EOGT: variants seen among roughly 807,000 people sequenced by gnomAD.
EOGT encodes EGF domain specific O-linked N-acetylglucosamine transferase.
EOGT carries 55 observed loss-of-function variants against 70.5 expected under a neutral mutation model. The ratio of observed to expected loss-of-function variants is 0.78; its 90% confidence interval spans 0.63 to 0.98. The LOEUF is 0.98. EOGT is among the 50% of genes least tolerant of loss of function. EOGT has a pLI of 0.00. For synonymous variants in EOGT, 246 were observed against 217.1 expected (o/e 1.13, Z -1.17); for missense variants, 703 against 641.9 (o/e 1.10, Z -1.03).
intron 14 of EOGT, among the ~76,000 whole-genome samples, chr3:68,985,352 T>C (rs1242929512): frequency 2.6e-5 from 4 of 152,358 alleles, no homozygotes; most frequent in East Asian, 1.9e-4. Context: ...GTAATCCATA[T>C]GGGTCTCAGG....
Position 68,979,696 on chromosome 3 carries a change from G to C in EOGT, c.1306C>G (p.Leu436Val). Reference protein sequence around the residue: ...HGAGLTHLLFLPDWAAVFELY... With the variant: ...HGAGLTHLLFVPDWAAVFELY... ...TCAAATACAGCAGCCCAGTCTGGAAGGAAAAGTAAATGGGTCAGACCAGCT... is the reference window on the plus strand; with the variant it reads ...TCAAATACAGCAGCCCAGTCTGGAACGAAAAGTAAATGGGTCAGACCAGCT... The change falls in exon 16 of 18, where the codon CTT (leucine) becomes GTT (valine). Residue 436 changes from leucine to valine, a missense_variant. Leu to Val is a conservative substitution (Grantham distance 32). Coordinates refer to ENST00000383701, the MANE Select transcript of EOGT (RefSeq NM_001278689.2). The C allele has an allele frequency of 6.2e-7, 1 of 1,613,882 alleles. No homozygotes were observed.
chr3:69,007,802 C>T lies in EOGT; in HGVS notation c.331G>A (p.Ala111Thr). Residue 111 changes from alanine to threonine, a missense_variant, in exon 6 of 18, where the codon GCT becomes ACT. Physicochemically the swap from Ala to Thr is moderately conservative, Grantham distance 58 (BLOSUM62 0). Transcript: ENST00000383701. ...GCTTGTTTCCAAAATATGTCCTCAG[C>T]TGACTCAAGAGTGTCCGTCCTATTT... ...DMGWTDTLES[A>T]EDIFWKQADF... 1.2e-6 allele frequency: 2 copies of T among 1,612,194 alleles called. No homozygotes were observed. The highest frequency in any genetic ancestry group is 1.7e-6 in the Non-Finnish European group (2 of 1,178,862).
rs774882386 is a variant in EOGT at position 68,979,618 on chromosome 3, TA to T, written c.1334+49del. 3.1e-6 allele frequency: 5 copies of T among 1,594,460 alleles called. No homozygotes were observed. In the African/African-American group the frequency reaches 6.7e-5, roughly 22 times the overall value. On this transcript the variant is annotated intron_variant, in intron 16 of 17. Transcript: ENST00000383701. ...CTCAGAATGAAAGCTTTAGCATGCA[TA>T]AAAAGCATTATCAGTTGCTTCAGTG...
chr3:68,988,166 T>A, intron 13 of EOGT, 129 bp downstream of exon 13: 1 of 673,196 alleles, frequency 1.5e-6, no homozygotes, highest in Non-Finnish European at 2.5e-6. Flanking sequence ...CCACCTGCCT[T>A]GGCCTCCCCA....
At chr3:68,995,499 A>C (rs1313414700) in intron 10 of EOGT, among the ~76,000 whole-genome samples, 2 of 152,126 alleles carry the variant, frequency 1.3e-5, no homozygotes, top group Non-Finnish European at 2.9e-5. Flanking sequence ...GACTGCCCTC[A>C]TGTCTCATGC....
intron 15 of EOGT, among the ~76,000 whole-genome samples, chr3:68,981,150 G>A (rs7637369): frequency 0.4 from 60,223 of 152,030 alleles, 12,454 homozygotes; most frequent in African/African-American, 0.51. Flanking sequence ...TGTTGAAAGC[G>A]TGAGATGAGA....
chr3:69,005,391 T>C (rs2107366865), intron 6 of EOGT, among the ~76,000 whole-genome samples, 157 bp from the exon 7 acceptor site: 1 of 152,242 alleles, frequency 6.6e-6, no homozygotes, highest in African/African-American at 2.4e-5. Flanking sequence ...CTGAAGGATA[T>C]TTTCTCCTTC....
Position 68,988,363 on chromosome 3 carries a change from T to C in EOGT, c.1015A>G (p.Thr339Ala), listed in dbSNP as rs2090878620. 2.6e-6 allele frequency: 4 copies of C among 1,535,766 alleles called. No homozygotes were observed. The highest frequency in any genetic ancestry group is 1.2e-5 in the South Asian group (1 of 84,054). The change falls in exon 13 of 18, where the codon ACT (threonine) becomes GCT (alanine). Residue 339 changes from threonine to alanine, a missense_variant. Transcript: ENST00000383701. ...TGGGCAAATGCCCTGAATAGTCCAGTATTTTGACAGCCAGATATCTAAAAT... is the reference window on the plus strand; with the variant it reads ...TGGGCAAATGCCCTGAATAGTCCAGCATTTTGACAGCCAGATATCTAAAAT... ...NTPLISGCQN[T>A]GLFRAFAQHV...
chr3:68,989,940 T>TAATAA (rs1223759390), intron 10 of EOGT, among the ~76,000 whole-genome samples: 26 of 151,776 alleles, frequency 1.7e-4, no homozygotes, highest in Non-Finnish European at 3.1e-4. Flanking sequence ...ACCTTGTCTC[T>TAATAA]AATAAAATAA....
At chr3:68,982,256 A>C (rs1473509742) in intron 15 of EOGT, among the ~76,000 whole-genome samples, 1 of 152,130 alleles carries the variant, frequency 6.6e-6, no homozygotes, top group African/African-American at 2.4e-5. Context: ...GTGGTGGCTC[A>C]TGCCTTTAAT....
rs1379732874 is a variant in EOGT at position 68,991,410 on chromosome 3, A to G, written c.832-2393T>C. 2.0e-5 allele frequency among the ~76,000 whole-genome samples: 3 copies of G among 152,248 alleles called. No individual in the cohort carries two copies. The South Asian group carries it at 6.2e-4, about 32-fold the overall frequency. On this transcript the variant is annotated intron_variant, in intron 10 of 17. Transcript: ENST00000383701. Reference sequence around the variant, plus strand: ...GAAGATATAGGTATATTGAAAGGACATATGTGTTTATGGTCACATTTCAGT... The same window carrying G: ...GAAGATATAGGTATATTGAAAGGACGTATGTGTTTATGGTCACATTTCAGT...
In EOGT at chr3:68,982,875, G is replaced by A. The variant is rs1465028816; in HGVS notation, c.1153-3C>T. On this transcript the variant is annotated splice_polypyrimidine_tract_variant and splice_region_variant and intron_variant, in intron 14 of 17. Transcript: ENST00000383701. ...ACTGTTTTCAGTGCATTTACAAGCT[G>A]GGAAAAAAAGAGAAACATTTAGCAT... 6.3e-7 allele frequency: 1 copy of A among 1,594,224 alleles called. No homozygotes were observed. The highest frequency in any genetic ancestry group is 2.3e-5 in the East Asian group (1 of 44,156).
rs971612898 is a variant in EOGT, at chr3:68,995,472, T to C, written c.831+2539A>G. 3.9e-5 allele frequency among the ~76,000 whole-genome samples: 6 copies of C among 152,268 alleles called. No individual in the cohort carries two copies. The East Asian group carries it at 1.2e-3, about 29-fold the overall frequency. On this transcript the variant is annotated intron_variant, in intron 10 of 17. Coordinates refer to ENST00000383701, the MANE Select transcript of EOGT (RefSeq NM_001278689.2). ...GGGCTACACCCATCCTGCTTAACTG[T>C]GCCAGAGCTGAGGTCAGACTGCCCT...
At chr3:69,013,290 C>T (rs1218083626) in intron 1 of EOGT, among the ~76,000 whole-genome samples, 1 of 151,712 alleles carries the variant, frequency 6.6e-6, no homozygotes, top group East Asian at 2.0e-4. Flanking sequence ...GGCTCCGCCC[C>T]GGCTGGAAAC....
intron 10 of EOGT, among the ~76,000 whole-genome samples, chr3:68,994,051 C>T (rs368220672): frequency 2.0e-5 from 3 of 152,070 alleles, no homozygotes; most frequent in African/African-American, 7.3e-5. Flanking sequence ...GGTACCATAA[C>T]GAGATCTTGT....
intron 15 of EOGT, among the ~76,000 whole-genome samples, chr3:68,981,379 T>C (rs546685317): frequency 6.6e-6 from 1 of 152,254 alleles, no homozygotes; most frequent in Admixed American, 6.5e-5. Context: ...AAAGCTCCCA[T>C]GCCAACATTC....
rs1240127025 is a variant in EOGT at position 68,976,369 on chromosome 3, A to C, written c.*1249T>G. ...AATGGAAACCATTATTTCATATATAAATTAATTAATCACAAATGCTCTCCA... is the reference window on the plus strand; with the variant it reads ...AATGGAAACCATTATTTCATATATACATTAATTAATCACAAATGCTCTCCA... On this transcript the variant is annotated 3_prime_UTR_variant, in exon 18 of 18. Transcript: ENST00000383701. 1.3e-5 allele frequency: 2 copies of C among 152,186 alleles called. No homozygotes were observed. 9.4% of individuals were successfully genotyped at this position (152,186 alleles called of 1,614,324 possible).
chr3:69,006,027 GTGA>G (rs1230384402), intron 6 of EOGT, among the ~76,000 whole-genome samples: 1 of 152,126 alleles, frequency 6.6e-6, no homozygotes, highest in African/African-American at 2.4e-5. Context: ...AACCCCCAAT[GTGA>G]TGATATTGTT....
At chr3:69,011,069 G>T (rs1198081951) in intron 3 of EOGT, among the ~76,000 whole-genome samples, 1 of 151,934 alleles carries the variant, frequency 6.6e-6, no homozygotes, top group Non-Finnish European at 1.5e-5. Flanking sequence ...CAGTGATAAT[G>T]GTCAGAAACC....
Sources: allele counts gnomAD v4.1 joint callset (sites outside exome capture counted in the v4.1 genomes callset), GRCh38; gene constraint gnomAD v4.1.1; transcripts MANE v1.5; gene names NCBI Gene and HGNC (gene_info 2026-07-23, HGNC 2026-07-21).